Variants in STEAP1 observed in about 807,000 individuals in gnomAD.
The protein encoded by STEAP1 is STEAP family member 1.
STEAP1 carries 30 observed loss-of-function variants against 34.4 expected under a neutral mutation model. The ratio of observed to expected loss-of-function variants is 0.87; its 90% CI spans 0.65 to 1.18. STEAP1 has a LOEUF of 1.18. Ranked by LOEUF, STEAP1 falls within the 50% of genes most tolerant of loss-of-function variation. The probability of loss-of-function intolerance (pLI) is 0.00; values close to 1 mark genes in which losing one functional copy is unlikely to be tolerated. For synonymous variants in STEAP1, 116 were observed against 135.3 expected (o/e 0.86, Z 0.99); for missense variants, 318 against 391.1 (o/e 0.81, Z 1.58).
In STEAP1 at chr7:90,162,548, C is replaced by T. The variant is rs1441522893; in HGVS notation, c.762+470C>T. Among the ~76,000 whole-genome samples, 7 of 151,966 alleles carry T rather than the reference C, an allele frequency of 4.6e-5. 1 individual carries two copies. Among genetic ancestry groups the T allele is most frequent in the African/African-American group, 1.7e-4 (7 of 41,352 alleles). On this transcript the variant is annotated intron_variant, in intron 4 of 4. Transcript: ENST00000297205. ...TTTCCCATGTTGGCCAGGCTGGTCT[C>T]GATCTCCTGACCTCAAATGATCCGC...
intron 4 of STEAP1, chr7:90,162,336 T>A: frequency 3.9e-6 from 2 of 506,718 alleles, no homozygotes; most frequent in Non-Finnish European, 5.8e-6. Flanking sequence ...TGTTTGTTTG[T>A]TTGTTTTTTT....
intron 1 of STEAP1, 31 bp from the exon 2 acceptor site, chr7:90,159,727 G>T (rs759709533): frequency 4.1e-6 from 5 of 1,221,452 alleles, no homozygotes; most frequent in Non-Finnish European, 5.5e-6. Context: ...AAGTAGAATG[G>T]ACATGAAAGT....
At chr7:90,161,568 G>A (rs535271170) in intron 3 of STEAP1, among the ~76,000 whole-genome samples, 32 of 152,168 alleles carry the variant, frequency 2.1e-4, no homozygotes, top group African/African-American at 7.7e-4. Context: ...CATGGACGAG[G>A]CCATATTTCA....
At position 90,156,464 on chromosome 7, in the gene STEAP1, C is replaced by G. The variant is rs563591598; in HGVS notation, c.-32+1921C>G. Among the ~76,000 whole-genome samples the G allele has an allele frequency of 3.6e-4, 55 of 152,336 alleles. No homozygotes were observed. In the South Asian group the frequency reaches 0.01, roughly 29 times the overall value. ...GGGTACCCAACCCCGTGGCCGCAGA[C>G]TGGTATCAGTCAGTGTCCTTTTAGG... On this transcript the variant is annotated intron_variant, in intron 1 of 4. Transcript: ENST00000297205.
At chr7:90,158,734 T>C (rs1177752447) in intron 1 of STEAP1, among the ~76,000 whole-genome samples, 3 of 152,336 alleles carry the variant, frequency 2.0e-5, no homozygotes, top group Non-Finnish European at 4.4e-5. Flanking sequence ...AAAAGTATAG[T>C]ATTGTAAATA....
In STEAP1 at chr7:90,154,522, G is replaced by A. The variant is rs911707203; in HGVS notation, c.-53G>A. The A allele has an allele frequency of 3.3e-5, 5 of 153,592 alleles. No homozygotes were observed. The highest frequency in any genetic ancestry group is 9.6e-5 in the African/African-American group (4 of 41,510). 9.5% of individuals were successfully genotyped at this position (153,592 alleles called of 1,614,324 possible). On this transcript the variant is annotated 5_prime_UTR_variant, in exon 1 of 5. Coordinates refer to ENST00000297205, the MANE Select transcript of STEAP1 (RefSeq NM_012449.3). ...GCAGCAGCGGCAGCCGAGACTCACG[G>A]TCAAGCTAAGGCGAAGAGTGGGTGA...
chr7:90,155,507 AG>A (rs1355039413), intron 1 of STEAP1, among the ~76,000 whole-genome samples: 4 of 152,202 alleles, frequency 2.6e-5, no homozygotes, highest in Admixed American at 1.3e-4. Context: ...TTTTTTTAAA[AG>A]GGGGTGAAAG....
chr7:90,162,369 C>T (rs995906769), intron 4 of STEAP1: 3 of 312,016 alleles, frequency 9.6e-6, no homozygotes, highest in South Asian at 5.7e-5. Context: ...CGCTCTGTTG[C>T]CCATGCTGGA....
chr7:90,163,036 A>T, intron 4 of STEAP1: 1 of 435,552 alleles, frequency 2.3e-6, no homozygotes, highest in Non-Finnish European at 5.0e-6. Flanking sequence ...CAAGATTCAA[A>T]GGACTAAATT....
intron 1 of STEAP1, among the ~76,000 whole-genome samples, chr7:90,158,063 G>A (rs976649440): frequency 6.6e-6 from 1 of 152,190 alleles, no homozygotes; most frequent in African/African-American, 2.4e-5. Context: ...TCTGAACATA[G>A]AAAAGGTATA....
intron 4 of STEAP1, among the ~76,000 whole-genome samples, chr7:90,163,364 A>G (rs1489807900): frequency 6.6e-6 from 1 of 152,184 alleles, no homozygotes; most frequent in Non-Finnish European, 1.5e-5. Flanking sequence ...ACTGCTTTTT[A>G]GACTTCATTA....
In STEAP1 at chr7:90,164,794, G is replaced by A. The variant is rs1363730708; in HGVS notation, c.*60G>A. ...ATATATTTTATCACCAACATTTCAA[G>A]TTTGTATTTGTTAATAAAATGATTA... On this transcript the variant is annotated 3_prime_UTR_variant, in exon 5 of 5. Transcript: ENST00000297205. 7.0e-7 allele frequency: 1 copy of A among 1,421,304 alleles called. No homozygotes were observed. Among genetic ancestry groups the A allele is most frequent in the Non-Finnish European group, 9.4e-7 (1 of 1,067,310 alleles). The allele number at this position is 1,421,304 out of a possible 1,614,324, so 88.0% of individuals were successfully genotyped here.
chr7:90,162,299 GTTTT>G (rs753176067), intron 4 of STEAP1: 4 of 525,500 alleles, frequency 7.6e-6, no homozygotes, highest in African/African-American at 4.4e-5. Context: ...AATATTCTTT[GTTTT>G]TTTTTTTTGT....
intron 4 of STEAP1, chr7:90,162,307 T>A: frequency 1.5e-6 from 1 of 672,458 alleles, no homozygotes; most frequent in Non-Finnish European, 2.1e-6. Context: ...TTGTTTTTTT[T>A]TTTTGTTTGT....
Position 90,160,962 on chromosome 7 carries a change from T to C in STEAP1, c.242T>C (p.Ile81Thr). The C allele has an allele frequency of 1.2e-6, 2 of 1,614,020 alleles. No individual in the cohort carries two copies. The highest frequency in any genetic ancestry group is 1.7e-6 in the Non-Finnish European group (2 of 1,179,864). Residue 81 changes from isoleucine (I) to threonine (T), a missense_variant, in exon 3 of 5, where the codon ATA becomes ACA. Physicochemically the swap from Ile to Thr is moderately conservative, Grantham distance 89. Coordinates refer to ENST00000297205, the MANE Select transcript of STEAP1 (RefSeq NM_012449.3). ...TTGCCAATTAAAATAGCTGCTATTA[T>C]AGCATCTCTGACTTTTCTTTACACT... Reference protein sequence around the residue: ...WHLPIKIAAIIASLTFLYTLL... With the variant: ...WHLPIKIAAITASLTFLYTLL...
intron 4 of STEAP1, 77 bp downstream of exon 4, chr7:90,162,155 C>G: frequency 6.8e-7 from 1 of 1,474,418 alleles, no homozygotes; most frequent in South Asian, 1.5e-5. Context: ...TGACTTTACC[C>G]CATAAAAAAT....
At chr7:90,157,556 A>C (rs1794132110) in intron 1 of STEAP1, among the ~76,000 whole-genome samples, 2 of 152,220 alleles carry the variant, frequency 1.3e-5, no homozygotes, top group Non-Finnish European at 2.9e-5. Context: ...CCAGGGAATG[A>C]GCGTTACTAT....
rs61737475 is a variant in STEAP1 at position 90,164,518 on chromosome 7, C to A, written c.804C>A (p.His268Gln). The A allele has an allele frequency of 1.2e-6, 2 of 1,613,142 alleles. No individual in the cohort carries two copies. Among genetic ancestry groups the A allele is most frequent in the South Asian group, 2.2e-5 (2 of 90,950 alleles). Residue 268 changes from histidine (H) to glutamine (Q), a missense_variant, in exon 5 of 5, where the codon CAC (histidine) becomes CAA (glutamine). His to Gln is a conservative substitution (Grantham distance 24). Coordinates refer to ENST00000297205, the MANE Select transcript of STEAP1 (RefSeq NM_012449.3). ...GIVSLLLGTI[H>Q]ALIFAWNKWI... ...TTTCCCTTCTACTGGGCACAATACA[C>A]GCATTGATTTTTGCCTGGAATAAGT...
At chr7:90,154,609 G>C (rs939594355) in intron 1 of STEAP1, 66 bp downstream of exon 1, 1 of 152,722 alleles carries the variant, frequency 6.5e-6, no homozygotes, top group Admixed American at 6.5e-5. Context: ...TCCCTGCAAG[G>C]CTGGGCGCCC....
Sources: allele counts gnomAD v4.1 joint callset (sites outside exome capture counted in the v4.1 genomes callset), GRCh38; gene constraint gnomAD v4.1.1; transcripts MANE v1.5; gene names NCBI Gene and HGNC (gene_info 2026-07-23, HGNC 2026-07-21).